Variants in NPAS3 observed in about 807,000 individuals in gnomAD.
NPAS3 encodes the protein neuronal PAS domain-containing protein 3.
NPAS3 carries 14 observed loss-of-function variants against 73.1 expected under a neutral mutation model. The observed-to-expected ratio is 0.19, with a 90% CI of 0.13 to 0.30. NPAS3 has a LOEUF of 0.30. NPAS3 is among the 10% of genes least tolerant of loss of function. The pLI is 1.00. For synonymous variants in NPAS3, 620 were observed against 541.5 expected (o/e 1.14, Z -2.01); for missense variants, 1,096 against 1,250.0 (o/e 0.88, Z 1.86).
At position 33,652,708 on chromosome 14, in the gene NPAS3, A is replaced by C. The variant is rs528774461; in HGVS notation, c.559-23503A>C. Among the ~76,000 whole-genome samples, 247 of 152,300 alleles carry C rather than the reference A, an allele frequency of 1.6e-3. 3 individuals carry two copies. Among genetic ancestry groups the C allele is most frequent in the Middle Eastern group, 3.4e-3 (1 of 294 alleles). ...ACATATGCTGAGTTGCTTTTTTGTC[A>C]AACTGCTTCCTAAAACTGGAGTCCG... On this transcript the variant is annotated intron_variant, in intron 5 of 11. Transcript: ENST00000356141.
chr14:33,611,628 T>C (rs1213420163), intron 5 of NPAS3, among the ~76,000 whole-genome samples: 1 of 152,222 alleles, frequency 6.6e-6, no homozygotes, highest in Admixed American at 6.5e-5. Flanking sequence ...TGACTCATTT[T>C]CCTTGAATAC....
chr14:33,158,539 A>C (rs76163430), intron 2 of NPAS3, among the ~76,000 whole-genome samples: 3,094 of 152,308 alleles, frequency 0.02, 72 homozygotes, highest in African/African-American at 0.058. Context: ...AGAAGTATTA[A>C]AAAACAAAAG....
chr14:33,156,152 G>T (rs559612500), intron 2 of NPAS3, among the ~76,000 whole-genome samples: 3 of 152,266 alleles, frequency 2.0e-5, no homozygotes, highest in Non-Finnish European at 2.9e-5. Context: ...CACAATTATA[G>T]ATTTCATGGT....
At chr14:32,976,331 G>T (rs1029773254) in intron 1 of NPAS3, among the ~76,000 whole-genome samples, 1 of 152,200 alleles carries the variant, frequency 6.6e-6, no homozygotes, top group African/African-American at 2.4e-5. Context: ...GAATACTCCA[G>T]GTGGTTTGTA....
intron 3 of NPAS3, among the ~76,000 whole-genome samples, chr14:33,257,770 T>C (rs1261325257): frequency 2.0e-5 from 3 of 152,194 alleles, no homozygotes; most frequent in South Asian, 4.1e-4. Flanking sequence ...CTCATTTCCA[T>C]ACCCCCAAGA....
chr14:33,592,724 A>C (rs1274013105), intron 5 of NPAS3, among the ~76,000 whole-genome samples: 1 of 152,238 alleles, frequency 6.6e-6, no homozygotes, highest in Non-Finnish European at 1.5e-5. Flanking sequence ...TGCGAAGCAA[A>C]GGAATATTGT....
At position 33,353,376 on chromosome 14, in the gene NPAS3, C is replaced by T. The variant is rs76354886; in HGVS notation, c.386-13810C>T. Among the ~76,000 whole-genome samples, 1,270 of 152,282 alleles carry T rather than the reference C, an allele frequency of 8.3e-3. 11 individuals are homozygous for T. Among genetic ancestry groups the T allele is most frequent in the African/African-American group, 0.029 (1,190 of 41,560 alleles). On this transcript the variant is annotated intron_variant, in intron 3 of 11. Transcript: ENST00000356141. ...AGATCTTGGCTGCAAGGAAGAAATACTTGTTGCTTTTGTGATCCAGGAGTT... is the reference window on the plus strand; with the variant it reads ...AGATCTTGGCTGCAAGGAAGAAATATTTGTTGCTTTTGTGATCCAGGAGTT...
rs187288923 is a variant in NPAS3 at position 33,651,777 on chromosome 14, G to T, written c.559-24434G>T. 3.9e-5 allele frequency among the ~76,000 whole-genome samples: 6 copies of T among 152,212 alleles called. No individual in the cohort carries two copies. The East Asian group carries it at 1.2e-3, about 29-fold the overall frequency. Reference sequence around the variant, plus strand: ...GTAAATGCTCAATACATGTTAGTTTGGTTTGTTTCCTTCCCTTTTAATTTT... The same window carrying T: ...GTAAATGCTCAATACATGTTAGTTTTGTTTGTTTCCTTCCCTTTTAATTTT... On this transcript the variant is annotated intron_variant, in intron 5 of 11. Coordinates refer to ENST00000356141, the Ensembl canonical transcript of NPAS3.
chr14:33,308,527 T>TATATATATACACACACAC lies in NPAS3; in HGVS notation c.386-58658_386-58657insTATATATACACACACACA. Among the ~76,000 whole-genome samples, 727 of 103,664 alleles carry TATATATATACACACACAC rather than the reference T, an allele frequency of 7.0e-3. 6 individuals carry two copies. The highest frequency in any genetic ancestry group is 0.017 in the East Asian group (61 of 3,500). The allele number at this position is 103,664 out of a possible 152,430, so 68.0% of individuals were successfully genotyped here. A position where few individuals can be genotyped will look rare whatever the true frequency, so the allele number is the denominator to read the frequency against. On this transcript the variant is annotated intron_variant, in intron 3 of 11. Transcript: ENST00000356141. ...TGCATAGTTTATATATATATATATA[T>TATATATATACACACACAC]ACATACACACACACACACACACACA...
chr14:33,380,306 T>C (rs1224862247), intron 4 of NPAS3, among the ~76,000 whole-genome samples: 1 of 151,822 alleles, frequency 6.6e-6, no homozygotes, highest in African/African-American at 2.4e-5. Context: ...CCAAGACCTG[T>C]GGGCACCAAG....
intron 1 of NPAS3, among the ~76,000 whole-genome samples, chr14:32,946,346 G>GCTCACACACA (rs5807694): frequency 1.5e-5 from 2 of 131,972 alleles, no homozygotes; most frequent in East Asian, 6.3e-4. Context: ...ACACACACAC[G>GCTCACACACA]CGCACACACA....
At chr14:33,639,121 G>A (rs1006115307) in intron 5 of NPAS3, among the ~76,000 whole-genome samples, 1 of 152,188 alleles carries the variant, frequency 6.6e-6, no homozygotes, top group African/African-American at 2.4e-5. Context: ...AACCACCTTA[G>A]AGTCAGGCTT....
At chr14:33,416,417 G>C (rs1310257538) in intron 4 of NPAS3, among the ~76,000 whole-genome samples, 1 of 151,908 alleles carries the variant, frequency 6.6e-6, no homozygotes, top group Admixed American at 6.6e-5. Flanking sequence ...CTTCCATAAC[G>C]TGTTTCTGGT....
At chr14:33,549,984 A>G (rs1329095928) in intron 4 of NPAS3, among the ~76,000 whole-genome samples, 1 of 152,184 alleles carries the variant, frequency 6.6e-6, no homozygotes, top group African/African-American at 2.4e-5. Context: ...TTAAAAAACA[A>G]ACAACAAAAG....
chr14:33,146,889 T>G (rs750133439), intron 2 of NPAS3, among the ~76,000 whole-genome samples: 7 of 152,202 alleles, frequency 4.6e-5, no homozygotes, highest in Non-Finnish European at 8.8e-5. Flanking sequence ...GTTGTTTCCT[T>G]CCCTGTTTCC....
chr14:33,468,038 C>G (rs549358204), intron 4 of NPAS3, among the ~76,000 whole-genome samples: 1 of 152,324 alleles, frequency 6.6e-6, no homozygotes, highest in South Asian at 2.1e-4. Context: ...GACACACCAT[C>G]TAATAGGGTC....
At chr14:33,295,580 T>C (rs1276256489) in intron 3 of NPAS3, among the ~76,000 whole-genome samples, 2 of 152,232 alleles carry the variant, frequency 1.3e-5, no homozygotes. Flanking sequence ...ACAGAATAAG[T>C]GTAGGCTCAC....
At chr14:33,673,102 C>T (rs1007728368) in intron 5 of NPAS3, among the ~76,000 whole-genome samples, 4 of 152,212 alleles carry the variant, frequency 2.6e-5, no homozygotes, top group Admixed American at 1.3e-4. Context: ...GCATCTCCAG[C>T]TCCAGGGGAT....
At chr14:33,596,383 C>G (rs1356679724) in intron 5 of NPAS3, among the ~76,000 whole-genome samples, 1 of 152,200 alleles carries the variant, frequency 6.6e-6, no homozygotes, top group Non-Finnish European at 1.5e-5. Flanking sequence ...CAGAAAATTA[C>G]TCCATTCATG....
Sources: gnomAD v4.1 joint callset for allele counts (sites outside exome capture counted in the v4.1 genomes callset) on GRCh38, gnomAD v4.1.1 for gene constraint, MANE v1.5 for transcripts, NCBI Gene and HGNC (gene_info 2026-07-23, HGNC 2026-07-21) for gene names.